ZFP82: variants seen among roughly 807,000 people sequenced by gnomAD.
ZFP82 encodes the protein zinc finger protein 82 homolog.
A neutral mutation model predicts 54.0 loss-of-function variants in ZFP82; 30 were observed. The observed-to-expected ratio is 0.56, with a 90% CI of 0.42 to 0.75. The LOEUF is 0.75. Among genes scored for constraint, ZFP82 ranks in the 30% least tolerant of loss-of-function variants. The pLI is 0.00. For synonymous variants in ZFP82, 194 were observed against 209.5 expected (o/e 0.93, Z 0.64); for missense variants, 500 against 636.8 (o/e 0.79, Z 2.31).
intron 4 of ZFP82, among the ~76,000 whole-genome samples, chr19:36,404,490 C>A (rs1163778920): frequency 6.6e-6 from 1 of 152,210 alleles, no homozygotes; most frequent in Non-Finnish European, 1.5e-5. Context: ...CAGCCTTGGA[C>A]TGGTTTTGAC....
chr19:36,418,546 C>T lies in ZFP82; in HGVS notation c.-133G>A, dbSNP rs2032712984. ...TTCCTACAGATTACCAGGACCGACG[C>T]TCCGGGCCAGGACTGCTCACTCGGG... is the stretch of plus-strand genomic sequence containing the variant. On this transcript the variant is annotated 5_prime_UTR_variant, in exon 1 of 5. Transcript: ENST00000392161. 6.6e-6 allele frequency: 1 copy of T among 152,288 alleles called. No individual in the cohort carries two copies. Among genetic ancestry groups the T allele is most frequent in the African/African-American group, 2.4e-5 (1 of 41,466 alleles). The allele number at this position is 152,288 out of a possible 1,614,324, so 9.4% of individuals were successfully genotyped here.
intron 2 of ZFP82, among the ~76,000 whole-genome samples, chr19:36,408,812 C>T (rs774816309): frequency 6.6e-6 from 1 of 151,516 alleles, no homozygotes; most frequent in Non-Finnish European, 1.5e-5. Context: ...AACAAAACTC[C>T]GTCTCAAAAA....
In ZFP82 at chr19:36,388,865, G is replaced by A. The variant is rs933673353; in HGVS notation, c.*3876C>T. On this transcript the variant is annotated 3_prime_UTR_variant, in exon 5 of 5. Coordinates refer to ENST00000392161, the MANE Select transcript of ZFP82 (RefSeq NM_133466.4). ...CTGTTATGTGACAGGCACTGTAGGT[G>A]TGTGAACAGAATGGTGAACAACACA... Among the ~76,000 whole-genome samples, 1 of 152,094 alleles carries A rather than the reference G, an allele frequency of 6.6e-6. No individual in the cohort carries two copies. Among genetic ancestry groups the A allele is most frequent in the Non-Finnish European group, 1.5e-5 (1 of 68,018 alleles).
At chr19:36,402,498 AAG>A (rs1477875082) in intron 4 of ZFP82, among the ~76,000 whole-genome samples, 1 of 148,086 alleles carries the variant, frequency 6.8e-6, no homozygotes, top group Non-Finnish European at 1.5e-5. Flanking sequence ...GATTAGGGAT[AAG>A]AGGGAAAAAG....
intron 1 of ZFP82, among the ~76,000 whole-genome samples, chr19:36,415,063 C>T (rs528962256): frequency 3.9e-5 from 6 of 152,066 alleles, no homozygotes; most frequent in South Asian, 4.2e-4. Context: ...TCAGGTGATC[C>T]GCCCACCTTG....
chr19:36,415,687 A>G (rs1035872529), intron 1 of ZFP82, among the ~76,000 whole-genome samples: 1 of 152,146 alleles, frequency 6.6e-6, no homozygotes, highest in Admixed American at 6.6e-5. Flanking sequence ...CGCCCAGCCA[A>G]TTAAACTATT....
At chr19:36,407,146 A>G (rs377218390) in intron 3 of ZFP82, among the ~76,000 whole-genome samples, 1 of 135,440 alleles carries the variant, frequency 7.4e-6, no homozygotes, top group African/African-American at 2.8e-5. Flanking sequence ...GCGGGATCTC[A>G]GCTCACTGCA....
intron 4 of ZFP82, among the ~76,000 whole-genome samples, chr19:36,402,332 G>A (rs944626571): frequency 7.2e-5 from 11 of 152,110 alleles, no homozygotes; most frequent in African/African-American, 2.4e-4. Flanking sequence ...AGCCAGGCAT[G>A]GTGGCGGGCG....
downstream of ZFP82, among the ~76,000 whole-genome samples, chr19:36,386,298 T>C (rs946612487): frequency 6.6e-6 from 1 of 152,222 alleles, no homozygotes; most frequent in Non-Finnish European, 1.5e-5. Flanking sequence ...GCAGCATCAA[T>C]GTGGTGCTAA....
chr19:36,409,233 G>GAGGCCA (rs1466367456), intron 2 of ZFP82, among the ~76,000 whole-genome samples: 4 of 152,036 alleles, frequency 2.6e-5, no homozygotes, highest in Admixed American at 6.6e-5. Context: ...TACTGAGGCT[G>GAGGCCA]AGGCCAACTA....
intron 4 of ZFP82, among the ~76,000 whole-genome samples, chr19:36,403,224 G>A (rs1052019290): frequency 5.3e-5 from 8 of 150,882 alleles, no homozygotes; most frequent in Non-Finnish European, 7.4e-5. Flanking sequence ...TCAGGAGACC[G>A]AGTCAGGAGA....
intron 1 of ZFP82, among the ~76,000 whole-genome samples, chr19:36,412,628 T>C (rs2032599993): frequency 1.3e-5 from 2 of 152,236 alleles, no homozygotes; most frequent in Admixed American, 1.3e-4. Flanking sequence ...GTTTTGTTTC[T>C]GAAAGAGTTG....
In ZFP82 at chr19:36,388,869, G is replaced by A. The variant is rs1024056827; in HGVS notation, c.*3872C>T. On this transcript the variant is annotated 3_prime_UTR_variant, in exon 5 of 5. Transcript: ENST00000392161. ...TATGTGACAGGCACTGTAGGTGTGT[G>A]AACAGAATGGTGAACAACACAAATA... Among the ~76,000 whole-genome samples, 2 of 152,092 alleles carry A rather than the reference G, an allele frequency of 1.3e-5. No homozygotes were observed. Among genetic ancestry groups the A allele is most frequent in the Admixed American group, 6.6e-5 (1 of 15,262 alleles).
Position 36,392,423 on chromosome 19 carries a change from C to G in ZFP82, c.*318G>C. The G allele has an allele frequency of 4.6e-6, 1 of 217,480 alleles. No homozygotes were observed. The highest frequency in any genetic ancestry group is 9.1e-6 in the Non-Finnish European group (1 of 109,894). 13.5% of individuals were successfully genotyped at this position (217,480 alleles called of 1,614,324 possible). On this transcript the variant is annotated 3_prime_UTR_variant, in exon 5 of 5. Transcript: ENST00000392161. ...TTCCACCTCTTGATTGAAAGTGTGT[C>G]AAACTGCTGCACTCTTATATGACCA...
chr19:36,407,847 A>C, intron 3 of ZFP82, 40 bp downstream of exon 3: 1 of 1,589,802 alleles, frequency 6.3e-7, no homozygotes, highest in Non-Finnish European at 8.6e-7. Context: ...GCTGATTTAC[A>C]GAGAACACAG....
At chr19:36,397,533 T>G (rs1218449149) in intron 4 of ZFP82, among the ~76,000 whole-genome samples, 4 of 152,002 alleles carry the variant, frequency 2.6e-5, no homozygotes, top group African/African-American at 9.7e-5. Flanking sequence ...GCTAATAAAT[T>G]TGAAAACACA....
At position 36,392,249 on chromosome 19, in the gene ZFP82, C is replaced by T. The variant is rs946953817; in HGVS notation, c.*492G>A. 1 of 153,706 alleles carries T rather than the reference C, an allele frequency of 6.5e-6. No homozygotes were observed. The highest frequency in any genetic ancestry group is 2.4e-5 in the African/African-American group (1 of 41,442). The allele number at this position is 153,706 out of a possible 1,614,324, so 9.5% of individuals were successfully genotyped here. On this transcript the variant is annotated 3_prime_UTR_variant, in exon 5 of 5. Transcript: ENST00000392161. ...TCAGCAAAGTAGCCAGACTTTGTAA[C>T]AAGACAGTTCTGTCATTTCATGAGA...
At chr19:36,407,722 C>T (rs903370504) in intron 3 of ZFP82, among the ~76,000 whole-genome samples, 165 bp downstream of exon 3, 3 of 152,318 alleles carry the variant, frequency 2.0e-5, no homozygotes, top group African/African-American at 7.2e-5. Flanking sequence ...GGTCAATGTG[C>T]TTAATGAAGG....
chr19:36,401,509 A>G (rs999218427), intron 4 of ZFP82, among the ~76,000 whole-genome samples: 2 of 152,108 alleles, frequency 1.3e-5, no homozygotes, highest in African/African-American at 4.8e-5. Context: ...TCCTATCAGC[A>G]TGTTCTTTTG....
Sources: gnomAD v4.1 joint callset for allele counts (sites outside exome capture counted in the v4.1 genomes callset) on GRCh38, gnomAD v4.1.1 for gene constraint, MANE v1.5 for transcripts, NCBI Gene and HGNC (gene_info 2026-07-23, HGNC 2026-07-21) for gene names.